DYM: variants seen among roughly 807,000 people sequenced by gnomAD.
DYM encodes dyggve-Melchior-Clausen syndrome protein.
DYM carries 78 observed loss-of-function variants against 93.1 expected under a neutral mutation model. The ratio of observed to expected loss-of-function variants is 0.84; its 90% CI spans 0.70 to 1.01. The LOEUF (loss-of-function observed/expected upper bound fraction) is 1.01. Among genes scored for constraint, DYM ranks in the 50% least tolerant of loss-of-function variants. The pLI is 0.00. For synonymous variants in DYM, 321 were observed against 319.7 expected (o/e 1.00, Z -0.04); for missense variants, 789 against 845.0 (o/e 0.93, Z 0.82).
intron 11 of DYM, 108 bp downstream of exon 11, chr18:49,272,070 G>T: frequency 1.1e-6 from 1 of 951,882 alleles, no homozygotes; most frequent in Non-Finnish European, 1.6e-6. Context: ...TCTAATACAG[G>T]TTCTCACAGG....
At chr18:49,173,316 A>G (rs1390840414) in intron 14 of DYM, among the ~76,000 whole-genome samples, 1 of 152,100 alleles carries the variant, frequency 6.6e-6, no homozygotes, top group African/African-American at 2.4e-5. Context: ...ATAATATTGA[A>G]TCAACTTGTC....
At chr18:49,142,001 C>T (rs1015815285) in intron 15 of DYM, among the ~76,000 whole-genome samples, 18 of 151,610 alleles carry the variant, frequency 1.2e-4, no homozygotes, top group African/African-American at 4.1e-4. Flanking sequence ...CTACAGGCGC[C>T]CACCACCACG....
At chr18:49,211,825 T>G (rs1413073753) in intron 13 of DYM, among the ~76,000 whole-genome samples, 1 of 152,024 alleles carries the variant, frequency 6.6e-6, no homozygotes, top group African/African-American at 2.4e-5. Context: ...CAAAACAGAG[T>G]AGTTAAAAAT....
intron 17 of DYM, among the ~76,000 whole-genome samples, chr18:49,095,740 A>G (rs2079484796): frequency 6.6e-6 from 1 of 152,236 alleles, no homozygotes; most frequent in South Asian, 2.1e-4. Flanking sequence ...TGTCTCAAAT[A>G]TAAATGACAT....
intron 17 of DYM, among the ~76,000 whole-genome samples, chr18:49,088,991 T>A (rs1332896648): frequency 6.6e-6 from 1 of 151,948 alleles, no homozygotes; most frequent in Non-Finnish European, 1.5e-5. Context: ...AGAGATGAGG[T>A]CTTGTTATGT....
In DYM at chr18:49,425,714, C is replaced by T. The variant is rs190112117; in HGVS notation, c.140+4541G>A. ...AATTTACAAGAAAAAATCAAACAAC[C>T]CCCATCAAAAAGTAGGCAAAGGGTA... On this transcript the variant is annotated intron_variant, in intron 2 of 17. Coordinates refer to ENST00000675505, the MANE Select transcript of DYM (RefSeq NM_001353214.3). Among the ~76,000 whole-genome samples, 5 of 152,164 alleles carry T rather than the reference C, an allele frequency of 3.3e-5. No individual in the cohort carries two copies. The East Asian group carries it at 9.6e-4, about 29-fold the overall frequency.
intron 8 of DYM, among the ~76,000 whole-genome samples, chr18:49,297,915 C>T (rs2060658530): frequency 6.6e-6 from 1 of 151,932 alleles, no homozygotes; most frequent in Admixed American, 6.6e-5. Flanking sequence ...TAAGAAAACA[C>T]AGTCTCCAAC....
chr18:49,039,428 G>C lies in DYM; in HGVS notation c.*4627C>G, dbSNP rs555506685. 7.2e-4 allele frequency among the ~76,000 whole-genome samples: 110 copies of C among 152,210 alleles called. 2 individuals are homozygous for C. The highest frequency in any genetic ancestry group is 2.6e-3 in the African/African-American group (109 of 41,526). On this transcript the variant is annotated 3_prime_UTR_variant, in exon 18 of 18. Coordinates refer to ENST00000675505, the MANE Select transcript of DYM (RefSeq NM_001353214.3). ...CTTGGAGTTTGTGGGAGGGATTCTT[G>C]AATTTTTGGTGTGATATCTTTCATG...
intron 16 of DYM, among the ~76,000 whole-genome samples, chr18:49,117,117 C>T (rs1197090542): frequency 6.6e-6 from 1 of 152,162 alleles, no homozygotes; most frequent in Non-Finnish European, 1.5e-5. Context: ...GGTGTTTCTG[C>T]TTTATCTTGA....
chr18:49,410,610 T>C (rs1489892718), intron 2 of DYM, among the ~76,000 whole-genome samples: 2 of 151,208 alleles, frequency 1.3e-5, no homozygotes, highest in East Asian at 3.9e-4. Flanking sequence ...TAAAATTGAG[T>C]TGAAGCCTGG....
rs553468437 is a variant in DYM at position 49,205,206 on chromosome 18, C to A, written c.1625+4345G>T. Among the ~76,000 whole-genome samples the A allele has an allele frequency of 8.5e-5, 13 of 152,360 alleles. No homozygotes were observed. In the South Asian group the frequency reaches 2.7e-3, roughly 32 times the overall value. On this transcript the variant is annotated intron_variant, in intron 14 of 17. Transcript: ENST00000675505. ...TGAAATCCTGTCCTCAGGTGATCCA[C>A]CTGCCTCAGCCTCCCAAACTGCTAA...
intron 6 of DYM, among the ~76,000 whole-genome samples, chr18:49,349,193 G>A (rs1184779010): frequency 6.6e-6 from 1 of 152,042 alleles, no homozygotes; most frequent in African/African-American, 2.4e-5. Flanking sequence ...GGGTGACAGA[G>A]TGAGACTGTC....
In DYM at chr18:49,236,467, G is replaced by A. The variant is rs995734863; in HGVS notation, c.1460+20543C>T. Among the ~76,000 whole-genome samples the A allele has an allele frequency of 6.4e-4, 89 of 139,896 alleles. 2 individuals carry two copies. The highest frequency in any genetic ancestry group is 3.1e-4 in the Non-Finnish European group (20 of 64,390). 91.8% of individuals were successfully genotyped at this position (139,896 alleles called of 152,430 possible). On this transcript the variant is annotated intron_variant, in intron 13 of 17. Coordinates refer to ENST00000675505, the MANE Select transcript of DYM (RefSeq NM_001353214.3). ...TGCACTCCAGCCTGGGCGACAGAGCGAGACTCTGTCTCAAAAAAAAAAATA... is the reference window on the plus strand; with the variant it reads ...TGCACTCCAGCCTGGGCGACAGAGCAAGACTCTGTCTCAAAAAAAAAAATA...
intron 14 of DYM, among the ~76,000 whole-genome samples, chr18:49,203,850 A>G (rs2092303676): frequency 7.1e-6 from 1 of 139,890 alleles, no homozygotes; most frequent in Admixed American, 7.6e-5. Context: ...AATTATCAAT[A>G]AAAAAATAAA....
At chr18:49,350,745 A>G (rs1018002044) in intron 6 of DYM, among the ~76,000 whole-genome samples, 1 of 151,140 alleles carries the variant, frequency 6.6e-6, no homozygotes, top group African/African-American at 2.4e-5. Flanking sequence ...AAAAAAAACA[A>G]GAAACACTTT....
intron 13 of DYM, among the ~76,000 whole-genome samples, chr18:49,250,901 A>G (rs2094272484): frequency 1.3e-5 from 2 of 152,288 alleles, no homozygotes; most frequent in Non-Finnish European, 2.9e-5. Context: ...GGCAAAGGGC[A>G]GGGCCCAGAC....
chr18:49,087,895 C>G (rs1280381751), intron 17 of DYM, among the ~76,000 whole-genome samples: 1 of 152,036 alleles, frequency 6.6e-6, no homozygotes, highest in Admixed American at 6.5e-5. Flanking sequence ...TTTCATGTGT[C>G]TTTTGGCTGC....
At chr18:49,240,420 C>T (rs924154256) in intron 13 of DYM, among the ~76,000 whole-genome samples, 5 of 152,048 alleles carry the variant, frequency 3.3e-5, no homozygotes, top group African/African-American at 1.2e-4. Flanking sequence ...TACATGTTAA[C>T]ATTAATACAG....
intron 17 of DYM, among the ~76,000 whole-genome samples, chr18:49,094,895 T>C (rs1170835075): frequency 6.6e-6 from 1 of 152,226 alleles, no homozygotes; most frequent in African/African-American, 2.4e-5. Context: ...GGCGCTGTGA[T>C]CCTCTTAACA....
Sources: allele counts gnomAD v4.1 joint callset (sites outside exome capture counted in the v4.1 genomes callset), GRCh38; gene constraint gnomAD v4.1.1; transcripts MANE v1.5; gene names NCBI Gene and HGNC (gene_info 2026-07-23, HGNC 2026-07-21).